The following SAMD8 variants were observed in gnomAD, a reference collection of about 807,000 sequenced individuals.
SAMD8 encodes sterile alpha motif domain containing 8, also known as sphingomyelin synthase-related protein 1.
A neutral mutation model predicts 42.0 loss-of-function variants in SAMD8; 20 were observed. The ratio of observed to expected loss-of-function variants is 0.48; its 90% confidence interval spans 0.34 to 0.69. SAMD8 has a LOEUF of 0.69. Among genes scored for constraint, SAMD8 ranks in the 30% least tolerant of loss-of-function variants. The probability of loss-of-function intolerance (pLI) is 0.01; values close to 1 mark genes in which losing one functional copy is unlikely to be tolerated. For missense variants in SAMD8, 328 were observed against 511.6 expected (o/e 0.64, Z 3.46); for synonymous variants, 162 against 173.0 (o/e 0.94, Z 0.50).
intron 2 of SAMD8, among the ~76,000 whole-genome samples, chr10:75,161,003 G>A (rs910234041): frequency 6.6e-6 from 1 of 152,184 alleles, no homozygotes; most frequent in Admixed American, 6.5e-5. Context: ...AGGAGGTGGA[G>A]GTTGCAGTTA....
intron 3 of SAMD8, 73 bp downstream of exon 3, chr10:75,164,813 C>T (rs999011717): frequency 5.0e-5 from 54 of 1,086,414 alleles, no homozygotes; most frequent in Admixed American, 3.2e-4. Context: ...CTTAACCTTT[C>T]TCTTTGCAGT....
intron 1 of SAMD8, among the ~76,000 whole-genome samples, chr10:75,143,413 T>C (rs550202159): frequency 5.8e-4 from 88 of 152,108 alleles, no homozygotes; most frequent in Non-Finnish European, 1.1e-3. Context: ...TATTTTGGTA[T>C]GGTAACATTT....
intron 2 of SAMD8, among the ~76,000 whole-genome samples, chr10:75,163,573 T>C (rs1840608267): frequency 1.3e-5 from 2 of 152,016 alleles, no homozygotes; most frequent in African/African-American, 4.8e-5. Flanking sequence ...AGCTGGGACT[T>C]ACAGGCGCGC....
At position 75,176,281 on chromosome 10, in the gene SAMD8, G is replaced by A. The variant is rs765448266; in HGVS notation, c.943+65G>A. The A allele has an allele frequency of 1.2e-5, 19 of 1,612,116 alleles. No homozygotes were observed. The highest frequency in any genetic ancestry group is 1.4e-5 in the Non-Finnish European group (17 of 1,178,892). Reference sequence around the variant, plus strand: ...TAGCTGCAGTGAAGGCTGTGGGAAGGGTGTCAGATCCTGTGAAGAATGGCA... The same window carrying A: ...TAGCTGCAGTGAAGGCTGTGGGAAGAGTGTCAGATCCTGTGAAGAATGGCA... On this transcript the variant is annotated intron_variant, in intron 5 of 5. Coordinates refer to ENST00000542569, the MANE Select transcript of SAMD8 (RefSeq NM_001174156.2). The surrounding 1 kb of genome is among the most constrained non-coding windows in gnomAD (Gnocchi z 4.3).
intron 1 of SAMD8, among the ~76,000 whole-genome samples, chr10:75,116,462 G>A (rs1848884084): frequency 6.6e-6 from 1 of 152,186 alleles, no homozygotes; most frequent in South Asian, 2.1e-4. Flanking sequence ...AGTAACATGA[G>A]TATCTGTTAT....
At chr10:75,130,799 A>G (rs764642114) in intron 1 of SAMD8, among the ~76,000 whole-genome samples, 1 of 152,178 alleles carries the variant, frequency 6.6e-6, no homozygotes, top group Non-Finnish European at 1.5e-5. Context: ...GACCTTGGTC[A>G]CTTCACTTAA....
chr10:75,100,087 GC>G (rs1848055332), intron 1 of SAMD8, among the ~76,000 whole-genome samples: 1 of 152,122 alleles, frequency 6.6e-6, no homozygotes, highest in Non-Finnish European at 1.5e-5. Context: ...CCGGGCTCAG[GC>G]CTGCGGAGCT....
At chr10:75,111,240 G>C (rs1026613374), upstream of SAMD8, among the ~76,000 whole-genome samples, 18 of 152,240 alleles carry the variant, frequency 1.2e-4, no homozygotes, top group Admixed American at 1.2e-3. Context: ...GCTCTCTCCA[G>C]AGGAATTCGG....
chr10:75,172,492 A>T (rs976610541), intron 4 of SAMD8, among the ~76,000 whole-genome samples: 1 of 149,468 alleles, frequency 6.7e-6, no homozygotes, highest in African/African-American at 2.5e-5. Flanking sequence ...ACGCCACCAC[A>T]GCCAACTGAT....
At chr10:75,137,352 C>T (rs1220712752) in intron 1 of SAMD8, among the ~76,000 whole-genome samples, 1 of 151,954 alleles carries the variant, frequency 6.6e-6, no homozygotes, top group East Asian at 1.9e-4. Context: ...CCAGCCTGGC[C>T]AACATTGTGA....
intron 3 of SAMD8, among the ~76,000 whole-genome samples, chr10:75,166,772 C>A (rs111555048): frequency 1.3e-5 from 2 of 152,206 alleles, no homozygotes. Context: ...TTTATCTACT[C>A]TTCAAAACTG....
chr10:75,133,264 G>T (rs577345939), intron 1 of SAMD8, among the ~76,000 whole-genome samples: 3 of 151,952 alleles, frequency 2.0e-5, no homozygotes, highest in Admixed American at 2.0e-4. Context: ...TTAGCTAGGC[G>T]TGGTGGTGCG....
chr10:75,141,947 C>T (rs1276777646), intron 1 of SAMD8, among the ~76,000 whole-genome samples: 2 of 150,856 alleles, frequency 1.3e-5, no homozygotes, highest in African/African-American at 2.4e-5. Flanking sequence ...TTTTTCCTTA[C>T]ACTTGCTTTT....
intron 1 of SAMD8, among the ~76,000 whole-genome samples, chr10:75,126,616 C>G (rs529063913): frequency 6.6e-6 from 1 of 151,526 alleles, no homozygotes; most frequent in South Asian, 2.1e-4. Flanking sequence ...GTCTTCCCAC[C>G]TTGGCCTCCT....
rs1297480689 is a variant in SAMD8, at chr10:75,115,280, G to T, written c.-16+3558G>T. 2.0e-5 allele frequency among the ~76,000 whole-genome samples: 3 copies of T among 152,298 alleles called. No homozygotes were observed. The East Asian group carries it at 5.8e-4, about 29-fold the overall frequency. ...GATGTAACACATTGAGGGGTTAATAGTAGGGCAAGAACAGAGAAAGCCATT... is the reference window on the plus strand; with the variant it reads ...GATGTAACACATTGAGGGGTTAATATTAGGGCAAGAACAGAGAAAGCCATT... On this transcript the variant is annotated intron_variant, in intron 1 of 5. Transcript: ENST00000542569.
intron 2 of SAMD8, among the ~76,000 whole-genome samples, chr10:75,158,281 A>G (rs779413506): frequency 1.3e-5 from 2 of 152,004 alleles, no homozygotes; most frequent in African/African-American, 2.4e-5. Flanking sequence ...CAGCAGAACA[A>G]TGAGGCTTTT....
At chr10:75,125,477 G>A (rs867107246) in intron 1 of SAMD8, among the ~76,000 whole-genome samples, 41 of 152,228 alleles carry the variant, frequency 2.7e-4, no homozygotes, top group Admixed American at 1.5e-3. Context: ...TTAGCCCAGC[G>A]TTGTGGTGCA....
intron 4 of SAMD8, among the ~76,000 whole-genome samples, chr10:75,172,501 A>ATT (rs756029536): frequency 7.1e-6 from 1 of 141,136 alleles, no homozygotes; most frequent in African/African-American, 2.6e-5. Context: ...CAGCCAACTG[A>ATT]TTTTTTTTTT....
At chr10:75,109,818 T>TTTTGTTTTGTTTTG (rs1554856164), upstream of SAMD8, among the ~76,000 whole-genome samples, 1,152 of 150,200 alleles carry the variant, frequency 7.7e-3, 23 homozygotes, top group African/African-American at 0.024. Context: ...AAGGTGTTTT[T>TTTTGTTTTGTTTTG]TTTTGTTTTG....
Sources: allele counts gnomAD v4.1 joint callset (sites outside exome capture counted in the v4.1 genomes callset), GRCh38; gene constraint gnomAD v4.1.1; non-coding constraint Gnocchi (gnomAD v3.1); transcripts MANE v1.5; gene names NCBI Gene and HGNC (gene_info 2026-07-23, HGNC 2026-07-21).